The following DHX16 variants were observed in gnomAD, a reference collection of about 807,000 sequenced individuals.
DHX16 encodes pre-mRNA-splicing factor ATP-dependent RNA helicase DHX16.
Under a neutral mutation model 131.2 loss-of-function variants are expected in DHX16, and 81 were observed. The ratio of observed to expected loss-of-function variants is 0.62; its 90% CI spans 0.52 to 0.74. The LOEUF (loss-of-function observed/expected upper bound fraction) is 0.74, where lower values mean the gene tolerates loss of function less well. Ranked by LOEUF, DHX16 falls within the 30% of genes least tolerant of loss-of-function variation. DHX16 has a pLI of 0.00. For missense variants in DHX16, 980 were observed against 1,363.1 expected, an observed-to-expected ratio of 0.72 and a Z score of 4.43; for synonymous variants, 440 against 520.2, an observed-to-expected ratio of 0.85 and a Z score of 2.10.
At chr6:30,667,436 G>A (rs1769147105) in intron 4 of DHX16, among the ~76,000 whole-genome samples, 1 of 151,994 alleles carries the variant, frequency 6.6e-6, no homozygotes, top group Non-Finnish European at 1.5e-5. Context: ...CAAAAAATTA[G>A]CCGGGCGTGG....
intron 9 of DHX16, 29 bp from the exon 10 acceptor site, chr6:30,660,271 G>A: frequency 6.6e-7 from 1 of 1,506,576 alleles, no homozygotes; most frequent in South Asian, 1.3e-5. Flanking sequence ...AGCAATGAGG[G>A]AAGAGCGCTA....
At chr6:30,657,225 G>A (rs749990925) in intron 12 of DHX16, 133 bp from the exon 13 acceptor site, 1 of 915,598 alleles carries the variant, frequency 1.1e-6, no homozygotes. Context: ...TAGTATCCAA[G>A]GTCAGGAGCA....
At chr6:30,658,285 A>AT (rs981765324) in intron 12 of DHX16, among the ~76,000 whole-genome samples, 3 of 152,060 alleles carry the variant, frequency 2.0e-5, no homozygotes, top group African/African-American at 7.2e-5. Context: ...GCTCACGCCT[A>AT]TAATCCCAGC....
At chr6:30,672,456 C>A (rs1169055252) in intron 1 of DHX16, among the ~76,000 whole-genome samples, 179 bp downstream of exon 1, 2 of 152,274 alleles carry the variant, frequency 1.3e-5, no homozygotes, top group South Asian at 4.1e-4. Context: ...TAACCCGACA[C>A]ACCTAAGCCC....
At chr6:30,663,583 T>C (rs556272984) in intron 7 of DHX16, among the ~76,000 whole-genome samples, 1 of 150,414 alleles carries the variant, frequency 6.6e-6, no homozygotes, top group East Asian at 2.0e-4. Flanking sequence ...TAGCCGAGCA[T>C]GGTGGTGCAT....
At position 30,660,114 on chromosome 6, in the gene DHX16, G is replaced by T; in HGVS notation, c.1673C>A (p.Ala558Asp). 6.2e-7 allele frequency: 1 copy of T among 1,612,410 alleles called. No homozygotes were observed. The highest frequency in any genetic ancestry group is 8.5e-7 in the Non-Finnish European group (1 of 1,179,720). The change falls in exon 10 of 20, where the codon GCC becomes GAC. Residue 558 changes from alanine (A) to aspartate (D), a missense_variant. By Grantham distance (126) the Ala-to-Asp change is moderately radical. Around this residue, in one of 3 missense-constraint regions of DHX16, gnomAD observed 309 missense variants for 537.1 expected, o/e 0.58. Coordinates refer to ENST00000376442, the MANE Select transcript of DHX16 (RefSeq NM_003587.5). Reference protein sequence around the residue: ...VLVASATMDTARFSTFFDDAP... With the variant: ...VLVASATMDTDRFSTFFDDAP... ...GTCATCAAAGAAGGTGGAAAAACGG[G>T]CAGTGTCCATTGTGGCTGAAGCCAC...
chr6:30,654,634 G>A, intron 19 of DHX16, 72 bp downstream of exon 19: 1 of 1,437,100 alleles, frequency 7.0e-7, no homozygotes, highest in Non-Finnish European at 9.4e-7. Flanking sequence ...CTTGAACCTG[G>A]GTTCTTAGCT....
In DHX16 at chr6:30,664,794, A is replaced by G; in HGVS notation, c.1317+7T>C. 1.9e-6 allele frequency: 3 copies of G among 1,607,500 alleles called. No individual in the cohort carries two copies. Among genetic ancestry groups the G allele is most frequent in the Non-Finnish European group, 2.6e-6 (3 of 1,175,342 alleles). On this transcript the variant is annotated splice_region_variant and intron_variant, in intron 7 of 19. Transcript: ENST00000376442. The stretch of plus-strand genomic sequence containing the variant: ...CCCTGGCAAGCTGAAGGGTGAGATG[A>G]CTGTACCTCCTCAAAGAGATACTGC...
Position 30,656,112 on chromosome 6 carries a change from GAA to G in DHX16, c.2498+84_2498+85del. 7.5e-7 allele frequency: 1 copy of G among 1,327,204 alleles called. No individual in the cohort carries two copies. The highest frequency in any genetic ancestry group is 2.3e-5 in the East Asian group (1 of 43,594). 82.2% of individuals were successfully genotyped at this position (1,327,204 alleles called of 1,614,324 possible). A position where few individuals can be genotyped will look rare whatever the true frequency, so the allele number is the denominator to read the frequency against. ...GTGTTAAGGGATAGTATGATGAACA[GAA>G]AAAGACAGACAAAGGGGACCCTGGA... On this transcript the variant is annotated intron_variant, in intron 16 of 19. Coordinates refer to ENST00000376442, the MANE Select transcript of DHX16 (RefSeq NM_003587.5). This position sits in a 1 kb window ranked among gnomAD's most constrained non-coding sequence, Gnocchi z 5.1.
chr6:30,660,327 T>C, intron 9 of DHX16, 85 bp from the exon 10 acceptor site: 1 of 1,122,878 alleles, frequency 8.9e-7, no homozygotes, highest in Non-Finnish European at 1.2e-6. Flanking sequence ...GAGAGGGGAG[T>C]AATGGACACA....
At chr6:30,661,976 T>C in intron 9 of DHX16, 1 of 679,294 alleles carries the variant, frequency 1.5e-6, no homozygotes, top group South Asian at 1.6e-5. Context: ...AAGGCACATA[T>C]TGTTCAGCTG....
chr6:30,654,610 AC>A, intron 19 of DHX16, 95 bp downstream of exon 19: 1 of 1,246,494 alleles, frequency 8.0e-7, no homozygotes, highest in Non-Finnish European at 1.1e-6. Flanking sequence ...CTCTTTCTGT[AC>A]CAGTCCCAGC....
intron 4 of DHX16, among the ~76,000 whole-genome samples, chr6:30,667,742 GAT>G (rs1228878687): frequency 6.6e-6 from 1 of 152,106 alleles, no homozygotes; most frequent in Non-Finnish European, 1.5e-5. Context: ...ATGTCCCCGT[GAT>G]ATGACATAAT....
rs1392634408 is a variant in DHX16, at chr6:30,672,992, G to C, written c.-151C>G. ...TAGGATCTTCCGACATCCCAAAGCT[G>C]TCTTCCCGTACCGCGGAGCCCGGAA... On this transcript the variant is annotated 5_prime_UTR_variant, in exon 1 of 20. Coordinates refer to ENST00000376442, the MANE Select transcript of DHX16 (RefSeq NM_003587.5). 2 of 1,550,756 alleles carry C rather than the reference G, an allele frequency of 1.3e-6. No homozygotes were observed. The highest frequency in any genetic ancestry group is 2.0e-5 in the Admixed American group (1 of 51,002).
intron 12 of DHX16, among the ~76,000 whole-genome samples, chr6:30,657,669 G>A (rs1768110009): frequency 6.6e-6 from 1 of 152,030 alleles, no homozygotes; most frequent in Admixed American, 6.6e-5. Context: ...CTCTGCCCAA[G>A]TAAGTGCACT....
In DHX16 at chr6:30,654,769, C is replaced by T. The variant is rs1376994203; in HGVS notation, c.2934G>A (p.Glu978=). The change falls in exon 19 of 20, where the codon GAG becomes GAA. Residue 978 remains glutamate (E), a synonymous_variant. Transcript: ENST00000376442. The part of the protein sequence containing the change: ...VFIHPNSSLF[E]QQPRWLLYHE... ...GGTAGAGCAGCCAGCGTGGCTGTTG[C>T]TCAAAGAGGGAGGAGTTGGGATGAA... is the stretch of plus-strand genomic sequence containing the variant. 5 of 1,612,872 alleles carry T rather than the reference C, an allele frequency of 3.1e-6. No individual in the cohort carries two copies. The highest frequency in any genetic ancestry group is 4.2e-6 in the Non-Finnish European group (5 of 1,179,998).
intron 4 of DHX16, among the ~76,000 whole-genome samples, chr6:30,667,653 T>C (rs770573177): frequency 1.8e-4 from 27 of 151,826 alleles, no homozygotes; most frequent in Non-Finnish European, 3.4e-4. Flanking sequence ...GGATTACCAG[T>C]GGCTTCTAAA....
chr6:30,655,721 G>T, intron 16 of DHX16, 124 bp from the exon 17 acceptor site: 1 of 1,106,302 alleles, frequency 9.0e-7, no homozygotes, highest in Non-Finnish European at 1.3e-6. Flanking sequence ...TGGCATAATG[G>T]CTACAAAGCA....
intron 4 of DHX16, among the ~76,000 whole-genome samples, chr6:30,668,513 T>C (rs1180776543): frequency 6.6e-6 from 1 of 151,986 alleles, no homozygotes; most frequent in Non-Finnish European, 1.5e-5. Flanking sequence ...CAGCCAGGCA[T>C]GCTAGTGCAT....
Sources: allele counts gnomAD v4.1 joint callset (sites outside exome capture counted in the v4.1 genomes callset), GRCh38; gene constraint gnomAD v4.1.1; regional missense constraint gnomAD v4.1.1; non-coding constraint Gnocchi (gnomAD v3.1); transcripts MANE v1.5; gene names NCBI Gene and HGNC (gene_info 2026-07-23, HGNC 2026-07-21).